ADK: variants seen among roughly 807,000 people sequenced by gnomAD.
The protein encoded by ADK is adenosine kinase.
ADK carries 24 observed loss-of-function variants against 44.7 expected under a neutral mutation model. That is an observed-to-expected ratio of 0.54 (90% CI 0.39 to 0.76). The LOEUF (loss-of-function observed/expected upper bound fraction) is 0.76, where lower values mean the gene tolerates loss of function less well. ADK is among the 30% of genes least tolerant of loss of function. ADK has a pLI of 0.00. For synonymous variants in ADK, 128 were observed against 142.6 expected, an observed-to-expected ratio of 0.90 and a Z score of 0.73; for missense variants, 321 against 425.1, an observed-to-expected ratio of 0.76 and a Z score of 2.15.
chr10:74,439,450 G>T (rs1845315413), intron 6 of ADK, among the ~76,000 whole-genome samples: 1 of 152,174 alleles, frequency 6.6e-6, no homozygotes, highest in Non-Finnish European at 1.5e-5. Flanking sequence ...CTAATTCCAT[G>T]AAAGTAGAAC....
At chr10:74,378,820 G>T (rs1221568645) in intron 4 of ADK, among the ~76,000 whole-genome samples, 2 of 152,088 alleles carry the variant, frequency 1.3e-5, no homozygotes, top group African/African-American at 4.8e-5. Context: ...CCAGTAGGGA[G>T]CCGGGTGTGG....
chr10:74,594,231 T>C (rs924640774), intron 8 of ADK, among the ~76,000 whole-genome samples: 11 of 151,916 alleles, frequency 7.2e-5, no homozygotes, highest in Non-Finnish European at 1.3e-4. Flanking sequence ...AAATAACTAA[T>C]GTAGATGACA....
intron 7 of ADK, among the ~76,000 whole-genome samples, chr10:74,574,272 G>A (rs1564800112): frequency 6.6e-6 from 1 of 151,084 alleles, no homozygotes; most frequent in Non-Finnish European, 1.5e-5. Context: ...CGACATTGAA[G>A]CGATTCTCCT....
rs547999656 is a variant in ADK, at chr10:74,156,215, T to C, written c.65+4872T>C. Among the ~76,000 whole-genome samples, 7 of 152,356 alleles carry C rather than the reference T, an allele frequency of 4.6e-5. No homozygotes were observed. The East Asian group carries it at 1.3e-3, about 29-fold the overall frequency. ...GGAAAACAAGGGGCATTGAAGACTA[T>C]GTTTCTTATTTTGGGTACAGGCCTA... is the stretch of plus-strand genomic sequence containing the variant. On this transcript the variant is annotated intron_variant, in intron 1 of 10. Transcript: ENST00000539909.
At chr10:74,362,017 G>A (rs1386704301) in intron 4 of ADK, among the ~76,000 whole-genome samples, 1 of 152,138 alleles carries the variant, frequency 6.6e-6, no homozygotes, top group South Asian at 2.1e-4. Context: ...ACCTTTGTGA[G>A]TTTGATTATA....
chr10:74,193,889 C>T lies in ADK; in HGVS notation c.66-6875C>T, dbSNP rs936479258. ...AAATGAGATTTCAAAAAAATCTTTA[C>T]CCTTTGTTGTCTAGGTGGTTAAGAT... On this transcript the variant is annotated intron_variant, in intron 1 of 10. Transcript: ENST00000539909. Among the ~76,000 whole-genome samples, 50 of 151,994 alleles carry T rather than the reference C, an allele frequency of 3.3e-4. 2 individuals carry two copies. Among genetic ancestry groups the T allele is most frequent in the Non-Finnish European group, 1.5e-5 (1 of 67,998 alleles).
intron 4 of ADK, among the ~76,000 whole-genome samples, chr10:74,363,587 G>C (rs915109970): frequency 2.0e-5 from 3 of 152,014 alleles, no homozygotes; most frequent in Non-Finnish European, 4.4e-5. Flanking sequence ...ATGGTGGCTG[G>C]AGAACCTGGT....
chr10:74,177,326 G>A (rs1412605368), intron 1 of ADK, among the ~76,000 whole-genome samples: 1 of 152,132 alleles, frequency 6.6e-6, no homozygotes, highest in African/African-American at 2.4e-5. Flanking sequence ...CTCTGATGCA[G>A]GTATATTGCC....
At chr10:74,263,623 A>C (rs1208275781) in intron 3 of ADK, among the ~76,000 whole-genome samples, 1 of 152,152 alleles carries the variant, frequency 6.6e-6, no homozygotes, top group African/African-American at 2.4e-5. Context: ...ACCTGTCTTC[A>C]GCCCATTTTC....
chr10:74,585,378 A>C (rs146323969), intron 7 of ADK, among the ~76,000 whole-genome samples: 1,766 of 152,320 alleles, frequency 0.012, 15 homozygotes, highest in Non-Finnish European at 0.017. Context: ...ACCAAAAATG[A>C]TACTGTATTA....
intron 2 of ADK, among the ~76,000 whole-genome samples, chr10:74,218,253 G>A (rs1844143679): frequency 6.6e-6 from 1 of 152,182 alleles, no homozygotes. Context: ...GTGATCAACT[G>A]GAAGAAAGGG....
chr10:74,378,789 A>G (rs957641544), intron 4 of ADK, among the ~76,000 whole-genome samples: 1 of 151,980 alleles, frequency 6.6e-6, no homozygotes, highest in Non-Finnish European at 1.5e-5. Context: ...AAAGGAGGGC[A>G]TGTTTGGTGT....
intron 9 of ADK, among the ~76,000 whole-genome samples, chr10:74,658,451 A>T (rs1459046779): frequency 6.6e-6 from 1 of 152,016 alleles, no homozygotes; most frequent in Non-Finnish European, 1.5e-5. Context: ...TCTGTTTTTG[A>T]TGTAGGATCT....
At chr10:74,485,155 A>G (rs759549738) in intron 6 of ADK, among the ~76,000 whole-genome samples, 1 of 152,240 alleles carries the variant, frequency 6.6e-6, no homozygotes, top group Non-Finnish European at 1.5e-5. Context: ...ATTAATATCC[A>G]TAATATATTT....
chr10:74,216,484 G>T (rs918790182), intron 2 of ADK, among the ~76,000 whole-genome samples: 1 of 151,982 alleles, frequency 6.6e-6, no homozygotes, highest in Non-Finnish European at 1.5e-5. Flanking sequence ...TAGTACTTTG[G>T]GAGGACAAGG....
intron 9 of ADK, among the ~76,000 whole-genome samples, chr10:74,644,688 C>T (rs1299972877): frequency 2.6e-5 from 4 of 152,076 alleles, no homozygotes; most frequent in African/African-American, 9.7e-5. Flanking sequence ...TGACACCACA[C>T]CCAGCTAATT....
At chr10:74,682,728 C>A (rs534116143) in intron 10 of ADK, among the ~76,000 whole-genome samples, 2 of 152,100 alleles carry the variant, frequency 1.3e-5, no homozygotes, top group South Asian at 4.2e-4. Flanking sequence ...TGTGCACCAC[C>A]ACTCCTGGCC....
At chr10:74,365,544 T>C (rs1259811536) in intron 4 of ADK, among the ~76,000 whole-genome samples, 3 of 152,274 alleles carry the variant, frequency 2.0e-5, no homozygotes, top group Non-Finnish European at 4.4e-5. Context: ...GAGTTGTTTC[T>C]GCCTTTTGAA....
At chr10:74,493,052 A>AT (rs1013397967) in intron 6 of ADK, among the ~76,000 whole-genome samples, 1 of 151,950 alleles carries the variant, frequency 6.6e-6, no homozygotes, top group Non-Finnish European at 1.5e-5. Flanking sequence ...TCATTCCATC[A>AT]TTTTTTCTGC....
Sources: gnomAD v4.1 joint callset for allele counts (sites outside exome capture counted in the v4.1 genomes callset) on GRCh38, gnomAD v4.1.1 for gene constraint, MANE v1.5 for transcripts, NCBI Gene and HGNC (gene_info 2026-07-23, HGNC 2026-07-21) for gene names.